Variants in CEP170B observed in about 807,000 individuals in gnomAD.
The protein encoded by CEP170B is centrosomal protein of 170 kDa protein B.
Under a neutral mutation model 120.6 loss-of-function variants are expected in CEP170B, and 55 were observed. The ratio of observed to expected loss-of-function variants is 0.46; its 90% CI spans 0.37 to 0.57. The LOEUF (loss-of-function observed/expected upper bound fraction) is 0.57, where lower values mean the gene tolerates loss of function less well. CEP170B is among the 20% of genes least tolerant of loss of function. The pLI, the probability that CEP170B is intolerant of heterozygous loss-of-function variation, is 0.00. For synonymous variants in CEP170B, 1,033 were observed against 954.5 expected (o/e 1.08, Z -1.52); for missense variants, 2,212 against 2,253.3 (o/e 0.98, Z 0.37).
intron 16 of CEP170B, 71 bp downstream of exon 16, chr14:104,893,920 G>T: frequency 1.4e-6 from 2 of 1,420,146 alleles, no homozygotes; most frequent in Non-Finnish European, 2.0e-6. Context: ...ACTCAGCCTG[G>T]CTGAATCCCT....
In CEP170B at chr14:104,889,675, C is replaced by G. The variant is rs763473382; in HGVS notation, c.3795C>G (p.Gly1265=). The change falls in exon 13 of 19, where the codon GGC becomes GGG. Residue 1265 remains glycine (G), a synonymous_variant. Transcript: ENST00000414716. ...SSSRARSRAP[G]PRDTDDDEEE... ...GCCGGGCTCGTTCCCGGGCCCCCGG[C>G]CCCCGGGACACGGACGACGATGAGG... 3 of 1,611,702 alleles carry G rather than the reference C, an allele frequency of 1.9e-6. No homozygotes were observed. Among genetic ancestry groups the G allele is most frequent in the Admixed American group, 1.7e-5 (1 of 59,952 alleles).
At position 104,891,839 on chromosome 14, in the gene CEP170B, C is replaced by T. The variant is rs72700200; in HGVS notation, c.3879-1137C>T. Among the ~76,000 whole-genome samples the T allele has an allele frequency of 6.8e-3, 1,028 of 152,180 alleles. 4 individuals are homozygous for T. Among genetic ancestry groups the T allele is most frequent in the Non-Finnish European group, 9.6e-3 (655 of 67,990 alleles). On this transcript the variant is annotated intron_variant, in intron 13 of 18. Transcript: ENST00000414716. The surrounding 1 kb of genome is among the most constrained non-coding windows in gnomAD (Gnocchi z 4.3). ...AGGGGCATGTGCCAGTTGGTGTCAC[C>T]CAGAGGTGGAGGGAGGGCTTCCATG...
chr14:104,879,757 GC>G (rs770014021), intron 5 of CEP170B, among the ~76,000 whole-genome samples: 2 of 152,184 alleles, frequency 1.3e-5, no homozygotes, highest in Non-Finnish European at 2.9e-5. Flanking sequence ...CACAGCCGGG[GC>G]CCCTGTGGGG....
chr14:104,886,255 G>C lies in CEP170B; in HGVS notation c.2036-20G>C. The C allele has an allele frequency of 6.7e-7, 1 of 1,498,668 alleles. No individual in the cohort carries two copies. The highest frequency in any genetic ancestry group is 8.9e-7 in the Non-Finnish European group (1 of 1,127,738). The allele number at this position is 1,498,668 out of a possible 1,614,324, so 92.8% of individuals were successfully genotyped here. A position where few individuals can be genotyped will look rare whatever the true frequency, so the allele number is the denominator to read the frequency against. ...CTGCAGACCAGCGGCCCTCTAACCG[G>C]CTGCCTTTGTGCTCCACAGAGGATG... On this transcript the variant is annotated intron_variant, in intron 11 of 18. Coordinates refer to ENST00000414716, the MANE Select transcript of CEP170B (RefSeq NM_001112726.3).
At position 104,887,602 on chromosome 14, in the gene CEP170B, A is replaced by G. The variant is rs777930969; in HGVS notation, c.3363A>G (p.Thr1121=). The G allele has an allele frequency of 1.3e-6, 2 of 1,584,716 alleles. No individual in the cohort carries two copies. The highest frequency in any genetic ancestry group is 1.7e-6 in the Non-Finnish European group (2 of 1,166,958). The part of the protein sequence containing the change: ...RSNSLSTPRP[T]RASRLRRARL... ...ACAGCCTGTCCACCCCTCGCCCCAC[A>G]CGGGCCTCCCGGCTGAGGCGGGCCC... Residue 1121 remains threonine, a synonymous_variant, in exon 12 of 19, where the codon ACA becomes ACG. Coordinates refer to ENST00000414716, the MANE Select transcript of CEP170B (RefSeq NM_001112726.3).
In CEP170B at chr14:104,872,495, T is replaced by G. The variant is rs370182709; in HGVS notation, c.106-3761T>G. Among the ~76,000 whole-genome samples the G allele has an allele frequency of 1.5e-3, 224 of 147,958 alleles. 14 individuals are homozygous for G. The highest frequency in any genetic ancestry group is 5.3e-3 in the African/African-American group (216 of 40,512). On this transcript the variant is annotated intron_variant, in intron 2 of 18. Coordinates refer to ENST00000414716, the MANE Select transcript of CEP170B (RefSeq NM_001112726.3). ...CGTGTGTGTGCGTGTGTGCCGTGTG[T>G]GTGTGCGTGTGTAAGTGTGCATGTG...
At chr14:104,878,679 C>T (rs993695191) in intron 5 of CEP170B, among the ~76,000 whole-genome samples, 178 bp downstream of exon 5, 4 of 152,088 alleles carry the variant, frequency 2.6e-5, no homozygotes, top group African/African-American at 4.8e-5. Flanking sequence ...TGGCCCAGTC[C>T]GGCAGGTGGG....
At chr14:104,878,153 C>A (rs987730361) in intron 4 of CEP170B, among the ~76,000 whole-genome samples, 190 bp downstream of exon 4, 5 of 152,002 alleles carry the variant, frequency 3.3e-5, no homozygotes, top group Non-Finnish European at 5.9e-5. Flanking sequence ...TGCAGCCCGG[C>A]CCCCCGTGGA....
At position 104,883,147 on chromosome 14, in the gene CEP170B, G is replaced by A. The variant is rs368875460; in HGVS notation, c.690G>A (p.Thr230=). ...RREPSYFEIP[T]KETPQPSQPP... ...AGCCCAGCTACTTCGAGATCCCCACGAAGGAGACCCCGCAGCCGTCGCAGC... is the reference window on the plus strand; with the variant it reads ...AGCCCAGCTACTTCGAGATCCCCACAAAGGAGACCCCGCAGCCGTCGCAGC... The change falls in exon 8 of 19, where the codon ACG becomes ACA. Residue 230 remains threonine, a synonymous_variant. Transcript: ENST00000414716. 1.1e-3 allele frequency: 1,784 copies of A among 1,607,380 alleles called. 7 individuals carry two copies. The highest frequency in any genetic ancestry group is 6.6e-3 in the South Asian group (597 of 90,520).
chr14:104,878,423 TC>T lies in CEP170B; in HGVS notation c.275-19del. The stretch of plus-strand genomic sequence containing the variant: ...GGCTCCTGGCTCTTCTGCTCTGTGT[TC>T]GCCTTAACACGTGTCCACATTCCAA... On this transcript the variant is annotated intron_variant, in intron 4 of 18. Transcript: ENST00000414716. The T allele has an allele frequency of 6.2e-7, 1 of 1,611,842 alleles. No homozygotes were observed. The highest frequency in any genetic ancestry group is 8.5e-7 in the Non-Finnish European group (1 of 1,178,928).
intron 9 of CEP170B, 97 bp from the exon 10 acceptor site, chr14:104,885,272 C>T: frequency 1.5e-6 from 2 of 1,377,792 alleles, no homozygotes; most frequent in Non-Finnish European, 1.9e-6. Flanking sequence ...AACCAGGTCC[C>T]TGCTCTCCCT....
chr14:104,887,166 C>T lies in CEP170B; in HGVS notation c.2927C>T (p.Pro976Leu). Residue 976 changes from proline (P) to leucine (L), a missense_variant, in exon 12 of 19, where the codon CCC becomes CTC. Pro to Leu is a moderately conservative substitution (Grantham distance 98). This residue lies in a region of CEP170B where 2,166 missense variants were observed against 2,166.7 expected (regional missense o/e 1.00). Transcript: ENST00000414716. The part of the protein sequence containing the change: ...SGKSGPSPTT[P>L]QPLRAQKEMS... ...AAGAGCGGGCCCAGCCCCACAACCC[C>T]CCAGCCTCTGCGGGCACAGAAGGAG... 6.2e-7 allele frequency: 1 copy of T among 1,608,488 alleles called. No individual in the cohort carries two copies. The highest frequency in any genetic ancestry group is 1.1e-5 in the South Asian group (1 of 91,072).
rs139313255 is a variant in CEP170B, at chr14:104,871,261, G to A, written c.105+2706G>A. On this transcript the variant is annotated intron_variant, in intron 2 of 18. Coordinates refer to ENST00000414716, the MANE Select transcript of CEP170B (RefSeq NM_001112726.3). Reference sequence around the variant, plus strand: ...GGCTTCCAGCCTCCTACTGGATATGGCTGCTGCACTGGGGCCTCTCAGAGG... The same window carrying A: ...GGCTTCCAGCCTCCTACTGGATATGACTGCTGCACTGGGGCCTCTCAGAGG... 8.7e-3 allele frequency among the ~76,000 whole-genome samples: 1,331 copies of A among 152,284 alleles called. 9 individuals are homozygous for A. The highest frequency in any genetic ancestry group is 0.011 in the Non-Finnish European group (777 of 68,022).
In CEP170B at chr14:104,884,442, G is replaced by A; in HGVS notation, c.1663G>A (p.Ala555Thr). 6.4e-7 allele frequency: 1 copy of A among 1,552,888 alleles called. No homozygotes were observed. The highest frequency in any genetic ancestry group is 1.2e-5 in the South Asian group (1 of 84,162). The change falls in exon 9 of 19, where the codon GCA becomes ACA. Residue 555 changes from alanine (A) to threonine (T), a missense_variant. Transcript: ENST00000414716. Reference sequence around the variant, plus strand: ...CCCCACGGACCCCCAGCTGACCAAGGCACGGAAACAGGAGGAGGACGACAG... The same window carrying A: ...CCCCACGGACCCCCAGCTGACCAAGACACGGAAACAGGAGGAGGACGACAG... ...PAPTDPQLTKARKQEEDDSLS... is the reference protein window; with the variant it reads ...PAPTDPQLTKTRKQEEDDSLS...
intron 10 of CEP170B, 97 bp from the exon 11 acceptor site, chr14:104,885,943 G>C: frequency 9.1e-7 from 1 of 1,096,508 alleles, no homozygotes; most frequent in Non-Finnish European, 1.3e-6. Context: ...CGTGGGGCTG[G>C]TGTTGGCTGC....
Position 104,868,312 on chromosome 14 carries a change from G to A in CEP170B, c.-27-112G>A, listed in dbSNP as rs767585246. ...GATGAGGCTGGAGCCCAGCTTCTCCGGAAGCTGCCAGCTTCCCTTAGAGGG... is the reference window on the plus strand; with the variant it reads ...GATGAGGCTGGAGCCCAGCTTCTCCAGAAGCTGCCAGCTTCCCTTAGAGGG... On this transcript the variant is annotated intron_variant, in intron 1 of 18. Coordinates refer to ENST00000414716, the MANE Select transcript of CEP170B (RefSeq NM_001112726.3). This position sits in a 1 kb window ranked among gnomAD's most constrained non-coding sequence, Gnocchi z 5.9. The A allele has an allele frequency of 1.8e-5, 13 of 740,730 alleles. No homozygotes were observed. The highest frequency in any genetic ancestry group is 7.5e-5 in the South Asian group (4 of 53,500). The allele number at this position is 740,730 out of a possible 1,614,324, so 45.9% of individuals were successfully genotyped here.
intron 9 of CEP170B, 33 bp downstream of exon 9, chr14:104,884,582 G>A (rs1270521033): frequency 2.0e-6 from 3 of 1,521,448 alleles, no homozygotes; most frequent in Non-Finnish European, 2.6e-6. Context: ...AGCCCTCGTG[G>A]GGAACGGGGG....
chr14:104,882,868 G>A lies in CEP170B; in HGVS notation c.577+36G>A, dbSNP rs776657952. ...GGGCCAGGCTGGTGAGACCCTGAGG[G>A]CTCCCAGAGGGTGGTGTGTGAAGGG... On this transcript the variant is annotated intron_variant, in intron 7 of 18. Transcript: ENST00000414716. 28 of 1,590,724 alleles carry A rather than the reference G, an allele frequency of 1.8e-5. No homozygotes were observed. In the East Asian group the frequency reaches 6.1e-4, roughly 35 times the overall value.
In CEP170B at chr14:104,887,614, G is replaced by A. The variant is rs1229388386; in HGVS notation, c.3375G>A (p.Arg1125=). 4 of 1,574,592 alleles carry A rather than the reference G, an allele frequency of 2.5e-6. No individual in the cohort carries two copies. The Admixed American group carries it at 5.5e-5, about 22-fold the overall frequency. ...LSTPRPTRAS[R]LRRARLGDAS... is the part of the protein sequence containing the mutation. ...CCCCTCGCCCCACACGGGCCTCCCG[G>A]CTGAGGCGGGCCCGGCTGGGGGACG... Residue 1125 remains arginine, a synonymous_variant, in exon 12 of 19, where the codon CGG becomes CGA. Transcript: ENST00000414716.
Sources: allele counts gnomAD v4.1 joint callset (sites outside exome capture counted in the v4.1 genomes callset), GRCh38; gene constraint gnomAD v4.1.1; regional missense constraint gnomAD v4.1.1; non-coding constraint Gnocchi (gnomAD v3.1); transcripts MANE v1.5; gene names NCBI Gene and HGNC (gene_info 2026-07-23, HGNC 2026-07-21).